RNF169: variants seen among roughly 807,000 people sequenced by gnomAD.
RNF169 encodes ring finger protein 169.
RNF169 carries 24 observed loss-of-function variants against 53.9 expected under a neutral mutation model. The ratio of observed to expected loss-of-function variants is 0.45; its 90% CI spans 0.32 to 0.63. RNF169 has a LOEUF of 0.63. Among genes scored for constraint, RNF169 ranks in the 20% least tolerant of loss-of-function variants. The probability of loss-of-function intolerance (pLI) is 0.04; values close to 1 mark genes in which losing one functional copy is unlikely to be tolerated. For synonymous variants in RNF169, 396 were observed against 363.5 expected, an observed-to-expected ratio of 1.09 and a Z score of -1.02; for missense variants, 883 against 906.2, an observed-to-expected ratio of 0.97 and a Z score of 0.33.
At position 74,817,689 on chromosome 11, in the gene RNF169, T is replaced by A; in HGVS notation, c.817T>A (p.Ser273Thr). The change falls in exon 4 of 6, where the codon TCC becomes ACC. Residue 273 changes from serine to threonine, a missense_variant. By Grantham distance (58) the Ser-to-Thr change is moderately conservative (BLOSUM62 1). Coordinates refer to ENST00000299563, the MANE Select transcript of RNF169 (RefSeq NM_001098638.2). ...HRSAFVSKNN[S>T]YSLAFLAGKL... is the part of the protein sequence containing the mutation. ...CTCGGCATTTGTTTCCAAGAACAAC[T>A]CCTACTCCTTAGCTTTCCTGGCAGG... 2 of 1,612,040 alleles carry A rather than the reference T, an allele frequency of 1.2e-6. No homozygotes were observed. Among genetic ancestry groups the A allele is most frequent in the Non-Finnish European group, 1.7e-6 (2 of 1,178,086 alleles).
chr11:74,791,885 G>T (rs559818355), intron 2 of RNF169, among the ~76,000 whole-genome samples: 1 of 152,328 alleles, frequency 6.6e-6, no homozygotes, highest in East Asian at 1.9e-4. Flanking sequence ...GACACCTGCC[G>T]GCTCCGTGGA....
intron 1 of RNF169, among the ~76,000 whole-genome samples, chr11:74,765,009 C>T (rs1457861717): frequency 6.6e-6 from 1 of 151,704 alleles, no homozygotes; most frequent in South Asian, 2.1e-4. Context: ...TCCAGGAGTT[C>T]GAGATCAGCC....
rs534528023 is a variant in RNF169, at chr11:74,791,708, G to A, written c.576+2009G>A. On this transcript the variant is annotated intron_variant, in intron 2 of 5. Transcript: ENST00000299563. The stretch of plus-strand genomic sequence containing the variant: ...CCAGGCAGTGGGAGCAGGCACTTCC[G>A]AGCCTGTGAGAGTGGGGGATGGAGG... 5.9e-5 allele frequency among the ~76,000 whole-genome samples: 9 copies of A among 152,338 alleles called. No homozygotes were observed. The South Asian group carries it at 1.4e-3, about 25-fold the overall frequency.
chr11:74,766,361 G>T (rs1314958075), intron 1 of RNF169, among the ~76,000 whole-genome samples: 1 of 152,150 alleles, frequency 6.6e-6, no homozygotes, highest in Non-Finnish European at 1.5e-5. Context: ...CAACAGAGGG[G>T]TGATTCATGG....
At chr11:74,774,862 G>A (rs905568236) in intron 1 of RNF169, among the ~76,000 whole-genome samples, 10 of 152,118 alleles carry the variant, frequency 6.6e-5, no homozygotes, top group Admixed American at 4.6e-4. Context: ...GAGAGACTGA[G>A]GTGGGAGGAT....
At chr11:74,810,087 C>T in intron 2 of RNF169, 97 bp from the exon 3 acceptor site, 12 of 1,053,180 alleles carry the variant, frequency 1.1e-5, no homozygotes, top group Middle Eastern at 3.1e-4. Context: ...TCAAAACTGC[C>T]ATGTGATCTG....
intron 5 of RNF169, among the ~76,000 whole-genome samples, 182 bp from the exon 6 acceptor site, chr11:74,835,364 G>A (rs997846012): frequency 1.3e-5 from 2 of 152,000 alleles, no homozygotes; most frequent in East Asian, 3.8e-4. Flanking sequence ...GAAGTATATA[G>A]GATTTTCTGC....
chr11:74,779,859 T>C (rs2035391385), intron 1 of RNF169, among the ~76,000 whole-genome samples: 1 of 151,952 alleles, frequency 6.6e-6, no homozygotes, highest in African/African-American at 2.4e-5. Context: ...GATTGGCTGC[T>C]TTTTTTTGGA....
rs1008664783 is a variant in RNF169, at chr11:74,840,020, C to G, written c.*3290C>G. On this transcript the variant is annotated 3_prime_UTR_variant, in exon 6 of 6. Transcript: ENST00000299563. ...ATGTTTTATTTTTTGTTCATTTTCC[C>G]TAAAGGAAAAATGTCCTTAAGAGAT... 9.9e-5 allele frequency: 15 copies of G among 152,022 alleles called. No individual in the cohort carries two copies. The highest frequency in any genetic ancestry group is 8.3e-4 in the South Asian group (4 of 4,828). 9.4% of individuals were successfully genotyped at this position (152,022 alleles called of 1,614,324 possible). A position where few individuals can be genotyped will look rare whatever the true frequency, so the allele number is the denominator to read the frequency against.
chr11:74,787,380 G>C (rs1033515951), intron 1 of RNF169, among the ~76,000 whole-genome samples: 3 of 152,118 alleles, frequency 2.0e-5, no homozygotes, highest in Non-Finnish European at 2.9e-5. Context: ...CAAAGGAAAT[G>C]CAAATTACTC....
At chr11:74,771,134 A>T (rs952308631) in intron 1 of RNF169, among the ~76,000 whole-genome samples, 2 of 152,052 alleles carry the variant, frequency 1.3e-5, no homozygotes, top group African/African-American at 4.8e-5. Flanking sequence ...ATACTTAGTC[A>T]TACTAACATT....
At position 74,748,874 on chromosome 11, in the gene RNF169, A is replaced by G; in HGVS notation, c.-7A>G. 5 of 1,408,684 alleles carry G rather than the reference A, an allele frequency of 3.5e-6. No homozygotes were observed. In the South Asian group the frequency reaches 4.7e-5, roughly 13 times the overall value. The allele number at this position is 1,408,684 out of a possible 1,614,324, so 87.3% of individuals were successfully genotyped here. On this transcript the variant is annotated 5_prime_UTR_variant, in exon 1 of 6. Transcript: ENST00000299563. The stretch of plus-strand genomic sequence containing the variant: ...GCAACCGACTCTCCCTTCAAACGGG[A>G]AACAAGATGGCGGCTGCAGGTCCGA...
At chr11:74,803,544 A>G (rs1336117291) in intron 2 of RNF169, among the ~76,000 whole-genome samples, 4 of 152,242 alleles carry the variant, frequency 2.6e-5, no homozygotes, top group Admixed American at 6.5e-5. Flanking sequence ...AAGTACTAAC[A>G]GGGAATATAC....
In RNF169 at chr11:74,834,705, A is replaced by G. The variant is rs545560010; in HGVS notation, c.872A>G (p.Gln291Arg). The change falls in exon 5 of 6, where the codon CAG becomes CGG. Residue 291 changes from glutamine to arginine, a missense_variant. Gln to Arg is a conservative substitution (Grantham distance 43). Around this residue, in one of 3 missense-constraint regions of RNF169, gnomAD observed 219 missense variants for 289.1 expected, o/e 0.76. Coordinates refer to ENST00000299563, the MANE Select transcript of RNF169 (RefSeq NM_001098638.2). ...CTAAACTCCAAGGTGGAAAGGAGTC[A>G]GAGCTGTAGTGACACAGCCCAGGAA... is the stretch of plus-strand genomic sequence containing the variant. ...GKLNSKVERS[Q>R]SCSDTAQERA... 7.4e-6 allele frequency: 12 copies of G among 1,612,994 alleles called. No homozygotes were observed. The South Asian group carries it at 1.2e-4, about 16-fold the overall frequency.
At chr11:74,806,045 G>T (rs1450529280) in intron 2 of RNF169, among the ~76,000 whole-genome samples, 1 of 151,664 alleles carries the variant, frequency 6.6e-6, no homozygotes, top group Non-Finnish European at 1.5e-5. Flanking sequence ...ACACACACAC[G>T]TACATACATA....
chr11:74,817,624 A>T lies in RNF169; in HGVS notation c.752A>T (p.Asn251Ile). The change falls in exon 4 of 6, where the codon AAT becomes ATT. Residue 251 changes from asparagine to isoleucine, a missense_variant. Physicochemically the swap from Asn to Ile is moderately radical, Grantham distance 149. Transcript: ENST00000299563. ...CCTGCACGTCTCTCAGATTCAGAGA[A>T]TGAAGAACCTTCTCGAGGCCAGATG... ...RCPARLSDSENEEPSRGQMTQ... is the reference protein window; with the variant it reads ...RCPARLSDSEIEEPSRGQMTQ... 6.2e-7 allele frequency: 1 copy of T among 1,613,884 alleles called. No homozygotes were observed. The highest frequency in any genetic ancestry group is 8.5e-7 in the Non-Finnish European group (1 of 1,179,742).
At chr11:74,816,454 A>G (rs1031756979) in intron 3 of RNF169, among the ~76,000 whole-genome samples, 1 of 152,244 alleles carries the variant, frequency 6.6e-6, no homozygotes, top group African/African-American at 2.4e-5. Context: ...ACTTCATTAC[A>G]TTATATGTTA....
chr11:74,836,104 C>A lies in RNF169; in HGVS notation c.1501C>A (p.Leu501Ile), dbSNP rs772546117. ...SEYTGPTSAD[L>I]DHFPSVSQTK... Reference sequence around the variant, plus strand: ...GTATACTGGACCCACCTCTGCTGATCTTGATCATTTCCCCTCTGTTAGCCA... The same window carrying A: ...GTATACTGGACCCACCTCTGCTGATATTGATCATTTCCCCTCTGTTAGCCA... Residue 501 changes from leucine to isoleucine, a missense_variant, in exon 6 of 6, where the codon CTT (leucine) becomes ATT (isoleucine). Coordinates refer to ENST00000299563, the MANE Select transcript of RNF169 (RefSeq NM_001098638.2). The A allele has an allele frequency of 6.2e-7, 1 of 1,614,178 alleles. No individual in the cohort carries two copies. The highest frequency in any genetic ancestry group is 1.1e-5 in the South Asian group (1 of 91,078).
chr11:74,824,192 G>C (rs1026026427), intron 4 of RNF169, among the ~76,000 whole-genome samples: 1 of 152,152 alleles, frequency 6.6e-6, no homozygotes, highest in Non-Finnish European at 1.5e-5. Flanking sequence ...GACAGTATCA[G>C]TAAAGAGATA....
Sources: allele counts gnomAD v4.1 joint callset (sites outside exome capture counted in the v4.1 genomes callset), GRCh38; gene constraint gnomAD v4.1.1; regional missense constraint gnomAD v4.1.1; transcripts MANE v1.5; gene names NCBI Gene and HGNC (gene_info 2026-07-23, HGNC 2026-07-21).